JAZF1: variants seen among roughly 807,000 people sequenced by gnomAD.
The protein encoded by JAZF1 is JAZF zinc finger 1.
A neutral mutation model predicts 26.4 loss-of-function variants in JAZF1; 8 were observed. That is an observed-to-expected ratio of 0.30 (90% CI 0.18 to 0.55). The LOEUF is 0.55. JAZF1 is among the 20% of genes least tolerant of loss of function. The probability of loss-of-function intolerance (pLI) is 0.94; values close to 1 mark genes in which losing one functional copy is unlikely to be tolerated. For missense variants in JAZF1, 199 were observed against 322.0 expected (o/e 0.62, Z 2.92); for synonymous variants, 126 against 122.3 (o/e 1.03, Z -0.20).
chr7:27,928,260 CT>C (rs1170510378), intron 2 of JAZF1, among the ~76,000 whole-genome samples: 1 of 152,184 alleles, frequency 6.6e-6, no homozygotes, highest in Non-Finnish European at 1.5e-5. Context: ...AAAGTAGAAA[CT>C]TTTCATTGCC....
chr7:27,888,939 C>A (rs1214118984), intron 3 of JAZF1, among the ~76,000 whole-genome samples: 2 of 152,166 alleles, frequency 1.3e-5, no homozygotes, highest in Non-Finnish European at 2.9e-5. Context: ...ATGGCTTCTC[C>A]ATTAAGACAT....
intron 1 of JAZF1, among the ~76,000 whole-genome samples, chr7:28,120,251 T>G (rs1784818049): frequency 6.6e-6 from 1 of 151,908 alleles, no homozygotes; most frequent in African/African-American, 2.4e-5. Context: ...GAGGATTGGC[T>G]GCTTATTTTC....
At chr7:27,847,989 A>G (rs1288339814) in intron 3 of JAZF1, among the ~76,000 whole-genome samples, 1 of 152,152 alleles carries the variant, frequency 6.6e-6, no homozygotes, top group Admixed American at 6.5e-5. Flanking sequence ...TTAAAGCAGG[A>G]ACTGTGATGC....
chr7:28,015,028 T>A (rs1005156783), intron 1 of JAZF1, among the ~76,000 whole-genome samples: 1 of 117,192 alleles, frequency 8.5e-6, no homozygotes, highest in African/African-American at 3.5e-5. Context: ...AAGCAGAAAG[T>A]GTGTATGTGT....
chr7:28,079,896 T>C (rs1784108911), intron 1 of JAZF1, among the ~76,000 whole-genome samples: 1 of 152,158 alleles, frequency 6.6e-6, no homozygotes, highest in South Asian at 2.1e-4. Flanking sequence ...GCTGGTCTGG[T>C]TCCAGACCAT....
At chr7:27,910,536 G>A (rs769967322) in intron 2 of JAZF1, among the ~76,000 whole-genome samples, 3 of 152,096 alleles carry the variant, frequency 2.0e-5, no homozygotes, top group African/African-American at 2.4e-5. Flanking sequence ...GAATGCATGC[G>A]TCCCACAATC....
intron 2 of JAZF1, among the ~76,000 whole-genome samples, chr7:27,903,034 A>G (rs1191633929): frequency 6.6e-6 from 1 of 151,716 alleles, no homozygotes. Flanking sequence ...AAAAAAAAAA[A>G]AAAAGAAGTG....
chr7:28,063,832 T>C (rs1783836845), intron 1 of JAZF1, among the ~76,000 whole-genome samples: 1 of 152,180 alleles, frequency 6.6e-6, no homozygotes. Flanking sequence ...TACAACTATA[T>C]TTATAGTACC....
At position 27,881,921 on chromosome 7, in the gene JAZF1, T is replaced by C. The variant is rs147956520; in HGVS notation, c.385+13299A>G. On this transcript the variant is annotated intron_variant, in intron 3 of 4. Coordinates refer to ENST00000283928, the MANE Select transcript of JAZF1 (RefSeq NM_175061.4). ...GATCACATGAAAAGCACCACTTCAT[T>C]TGCCAGAAAGAAGTCTGCTTGACTT... Among the ~76,000 whole-genome samples the C allele has an allele frequency of 3.0e-3, 450 of 152,316 alleles. 3 individuals carry two copies. The highest frequency in any genetic ancestry group is 3.5e-3 in the Non-Finnish European group (239 of 68,026).
At chr7:28,144,706 TATAATCATC>T (rs1175143016) in intron 1 of JAZF1, among the ~76,000 whole-genome samples, 1 of 152,340 alleles carries the variant, frequency 6.6e-6, no homozygotes, top group East Asian at 1.9e-4. Context: ...TTAATCACAG[TATAATCATC>T]TAGCAGCAAA....
chr7:27,922,400 C>T (rs1472145129), intron 2 of JAZF1, among the ~76,000 whole-genome samples: 6 of 152,220 alleles, frequency 3.9e-5, no homozygotes, highest in Non-Finnish European at 8.8e-5. Context: ...AGGCTCACAC[C>T]ACCATGTCTG....
rs182619873 is a variant in JAZF1 at position 27,870,480 on chromosome 7, G to A, written c.385+24740C>T. 1.7e-4 allele frequency among the ~76,000 whole-genome samples: 26 copies of A among 152,214 alleles called. No individual in the cohort carries two copies. In the East Asian group the frequency reaches 5.0e-3, roughly 29 times the overall value. On this transcript the variant is annotated intron_variant, in intron 3 of 4. Coordinates refer to ENST00000283928, the MANE Select transcript of JAZF1 (RefSeq NM_175061.4). ...AGTATGCCATCAGTACATACTTTCT[G>A]ATAGATTTTAAAACACTCAAGCTTG...
chr7:28,149,501 C>T (rs976504761), intron 1 of JAZF1, among the ~76,000 whole-genome samples: 10 of 152,148 alleles, frequency 6.6e-5, no homozygotes, highest in Non-Finnish European at 1.0e-4. Context: ...CTCTATGAGA[C>T]CCTGTCTTTT....
At chr7:27,974,653 C>CTGAGGCTGAGG (rs969002452) in intron 2 of JAZF1, among the ~76,000 whole-genome samples, 6 of 152,276 alleles carry the variant, frequency 3.9e-5, no homozygotes, top group Admixed American at 6.5e-5. Flanking sequence ...TTAGGTTCAT[C>CTGAGGCTGAGG]TGAGGCTGAG....
At chr7:28,064,370 T>C (rs888027617) in intron 1 of JAZF1, among the ~76,000 whole-genome samples, 2 of 152,154 alleles carry the variant, frequency 1.3e-5, no homozygotes, top group African/African-American at 4.8e-5. Context: ...TTTCAATTTT[T>C]ATTCCAACAT....
At chr7:27,963,036 T>C (rs919652254) in intron 2 of JAZF1, among the ~76,000 whole-genome samples, 1 of 152,202 alleles carries the variant, frequency 6.6e-6, no homozygotes, top group Non-Finnish European at 1.5e-5. Context: ...AAGCTGAACA[T>C]GGCAAACCTT....
chr7:27,974,883 G>C (rs1279910678), intron 2 of JAZF1, among the ~76,000 whole-genome samples: 1 of 94,158 alleles, frequency 1.1e-5, no homozygotes, highest in African/African-American at 5.4e-5. Flanking sequence ...GGAGGCCTTA[G>C]GGAGTTTTTT....
chr7:28,035,959 T>A (rs749764951), intron 1 of JAZF1, among the ~76,000 whole-genome samples: 5 of 152,202 alleles, frequency 3.3e-5, no homozygotes, highest in Non-Finnish European at 7.4e-5. Flanking sequence ...GATATATTTG[T>A]GAAAATTCAG....
At chr7:28,099,905 G>A (rs1032969976) in intron 1 of JAZF1, among the ~76,000 whole-genome samples, 1 of 152,202 alleles carries the variant, frequency 6.6e-6, no homozygotes, top group African/African-American at 2.4e-5. Flanking sequence ...GCTATACTTG[G>A]CCTGCCTCAA....
Sources: gnomAD v4.1 joint callset for allele counts (sites outside exome capture counted in the v4.1 genomes callset) on GRCh38, gnomAD v4.1.1 for gene constraint, MANE v1.5 for transcripts, NCBI Gene and HGNC (gene_info 2026-07-23, HGNC 2026-07-21) for gene names.